SPRED2: variants seen among roughly 807,000 people sequenced by gnomAD.
SPRED2 encodes sprouty-related, EVH1 domain-containing protein 2.
A neutral mutation model predicts 43.0 loss-of-function variants in SPRED2; 47 were observed. The observed-to-expected ratio is 1.09, with a 90% confidence interval of 0.87 to 1.40. The LOEUF is 1.40. Ranked by LOEUF, SPRED2 falls within the 40% of genes most tolerant of loss-of-function variation. SPRED2 has a pLI of 0.00. For synonymous variants in SPRED2, 225 were observed against 225.7 expected, an observed-to-expected ratio of 1.00 and a Z score of 0.03; for missense variants, 561 against 586.4, an observed-to-expected ratio of 0.96 and a Z score of 0.45.
chr2:65,410,062 CA>C (rs1177625818), intron 1 of SPRED2, among the ~76,000 whole-genome samples: 3 of 148,594 alleles, frequency 2.0e-5, no homozygotes, highest in African/African-American at 2.5e-5. Flanking sequence ...ATTTTAAATG[CA>C]AAAAAAAAGT....
downstream of SPRED2, among the ~76,000 whole-genome samples, chr2:65,310,458 T>TACACAC (rs55916427): frequency 2.4e-3 from 332 of 137,986 alleles, 3 homozygotes; most frequent in East Asian, 9.7e-3. Flanking sequence ...TCCTCCAAAC[T>TACACAC]ACACACACAC....
intron 1 of SPRED2, among the ~76,000 whole-genome samples, chr2:65,427,405 A>T (rs1348709279): frequency 6.6e-6 from 1 of 152,110 alleles, no homozygotes; most frequent in Non-Finnish European, 1.5e-5. Context: ...CATATTTTTA[A>T]CATTTAAGGG....
chr2:65,357,053 A>T (rs1274963765), intron 1 of SPRED2, among the ~76,000 whole-genome samples: 1 of 152,198 alleles, frequency 6.6e-6, no homozygotes, highest in Non-Finnish European at 1.5e-5. Context: ...AATTTAACCT[A>T]TAGAGGAGGG....
chr2:65,327,287 A>G (rs1673651352), intron 4 of SPRED2, among the ~76,000 whole-genome samples: 3 of 152,150 alleles, frequency 2.0e-5, no homozygotes, highest in Admixed American at 2.0e-4. Flanking sequence ...TTGAATAAAT[A>G]CTCTGTATGA....
intron 1 of SPRED2, among the ~76,000 whole-genome samples, chr2:65,359,521 G>A (rs1205030165): frequency 6.6e-6 from 1 of 152,080 alleles, no homozygotes; most frequent in Non-Finnish European, 1.5e-5. Flanking sequence ...GATTTTCACA[G>A]ATAACTGAAA....
intron 1 of SPRED2, among the ~76,000 whole-genome samples, chr2:65,417,398 T>C (rs1313772884): frequency 1.3e-5 from 2 of 152,144 alleles, no homozygotes; most frequent in African/African-American, 2.4e-5. Context: ...CTCCTGTACC[T>C]GGAACACAGA....
At chr2:65,408,547 G>T (rs555156551) in intron 1 of SPRED2, among the ~76,000 whole-genome samples, 1 of 151,666 alleles carries the variant, frequency 6.6e-6, no homozygotes, top group East Asian at 1.9e-4. Flanking sequence ...AATCCCAGTC[G>T]CCAGCCACAG....
In SPRED2 at chr2:65,346,181, C is replaced by A. The variant is rs1674344251; in HGVS notation, c.27-1285G>T. Among the ~76,000 whole-genome samples, 4 of 152,262 alleles carry A rather than the reference C, an allele frequency of 2.6e-5. No individual in the cohort carries two copies. The South Asian group carries it at 8.3e-4, about 32-fold the overall frequency. On this transcript the variant is annotated intron_variant, in intron 1 of 5. Coordinates refer to ENST00000356388, the MANE Select transcript of SPRED2 (RefSeq NM_181784.3). ...GTGCCCCACAGCCCTGCTCACCTCA[C>A]TCACCGCTAAAGGCAAAGCCACCAG...
At chr2:65,379,585 T>TAC (rs1451793610) in intron 1 of SPRED2, among the ~76,000 whole-genome samples, 1 of 152,238 alleles carries the variant, frequency 6.6e-6, no homozygotes, top group Non-Finnish European at 1.5e-5. Flanking sequence ...TCCCCTCATC[T>TAC]GTGTAACTCC....
At chr2:65,366,082 A>G (rs1674963089) in intron 1 of SPRED2, among the ~76,000 whole-genome samples, 1 of 152,160 alleles carries the variant, frequency 6.6e-6, no homozygotes, top group African/African-American at 2.4e-5. Flanking sequence ...TCCGTAGGGG[A>G]ATAAAGCTTT....
intron 4 of SPRED2, among the ~76,000 whole-genome samples, chr2:65,330,269 T>C (rs1478348184): frequency 6.6e-6 from 1 of 152,208 alleles, no homozygotes; most frequent in African/African-American, 2.4e-5. Context: ...ATGAGTACAA[T>C]GGGAGACAAG....
chr2:65,415,666 C>T (rs755982585), intron 1 of SPRED2, among the ~76,000 whole-genome samples: 1 of 151,944 alleles, frequency 6.6e-6, no homozygotes, highest in Admixed American at 6.6e-5. Context: ...TTCAGCCGAA[C>T]CTTTTAAAAT....
At chr2:65,381,432 A>G (rs1377892906) in intron 1 of SPRED2, among the ~76,000 whole-genome samples, 1 of 152,204 alleles carries the variant, frequency 6.6e-6, no homozygotes, top group African/African-American at 2.4e-5. Flanking sequence ...TAGCTTGGTC[A>G]ACTTATTTCA....
intron 1 of SPRED2, among the ~76,000 whole-genome samples, chr2:65,373,212 T>A (rs1675170527): frequency 6.6e-6 from 1 of 152,210 alleles, no homozygotes; most frequent in Admixed American, 6.5e-5. Flanking sequence ...TCACTTAACT[T>A]CTTTGTGCTT....
intron 1 of SPRED2, among the ~76,000 whole-genome samples, chr2:65,409,401 A>G (rs1319185093): frequency 2.0e-5 from 3 of 152,232 alleles, no homozygotes; most frequent in Non-Finnish European, 1.5e-5. Context: ...ACACTAAATA[A>G]TAGACTAAAA....
At chr2:65,309,759 G>A (rs1673022123), downstream of SPRED2, among the ~76,000 whole-genome samples, 1 of 152,138 alleles carries the variant, frequency 6.6e-6, no homozygotes, top group Non-Finnish European at 1.5e-5. Context: ...TTCCGGCCTA[G>A]CACATAGGAC....
intron 1 of SPRED2, among the ~76,000 whole-genome samples, chr2:65,381,421 C>T (rs561454881): frequency 7.2e-5 from 11 of 152,334 alleles, no homozygotes; most frequent in African/African-American, 2.6e-4. Flanking sequence ...CCACCAATTT[C>T]TAGCTTGGTC....
intron 1 of SPRED2, among the ~76,000 whole-genome samples, chr2:65,397,750 C>A (rs188412297): frequency 1.1e-4 from 17 of 152,154 alleles, no homozygotes; most frequent in Non-Finnish European, 1.8e-4. Flanking sequence ...ACATATCCCC[C>A]ACTCCAAAGT....
intron 1 of SPRED2, among the ~76,000 whole-genome samples, chr2:65,382,452 A>AC (rs532234213): frequency 2.0e-5 from 3 of 152,104 alleles, no homozygotes; most frequent in South Asian, 2.1e-4. Context: ...GGGCTGGGTA[A>AC]CCCCCCCTCA....
Sources: allele counts gnomAD v4.1 joint callset (sites outside exome capture counted in the v4.1 genomes callset), GRCh38; gene constraint gnomAD v4.1.1; transcripts MANE v1.5; gene names NCBI Gene and HGNC (gene_info 2026-07-23, HGNC 2026-07-21).